The following RALYL variants were observed in gnomAD, a reference collection of about 807,000 sequenced individuals.
RALYL encodes the protein RALY RNA binding protein like, also known as RNA-binding Raly-like protein.
Under a neutral mutation model 35.1 loss-of-function variants are expected in RALYL, and 29 were observed. That is an observed-to-expected ratio of 0.83 (90% CI 0.61 to 1.13). RALYL has a LOEUF of 1.13. Among genes scored for constraint, RALYL ranks in the 50% most tolerant of loss-of-function variants. The pLI is 0.00. For synonymous variants in RALYL, 120 were observed against 127.6 expected, an observed-to-expected ratio of 0.94 and a Z score of 0.40; for missense variants, 359 against 360.4, an observed-to-expected ratio of 1.00 and a Z score of 0.03.
chr8:84,515,370 T>C (rs1169413404), intron 1 of RALYL, among the ~76,000 whole-genome samples: 1 of 152,196 alleles, frequency 6.6e-6, no homozygotes, highest in Non-Finnish European at 1.5e-5. Flanking sequence ...CGTGGAGGAA[T>C]GTTATATATA....
chr8:84,663,693 G>C (rs1471985337), intron 2 of RALYL, among the ~76,000 whole-genome samples: 3 of 151,954 alleles, frequency 2.0e-5, no homozygotes, highest in African/African-American at 7.3e-5. Context: ...AATTGTTTAT[G>C]TTCCTTGTAG....
chr8:84,513,930 T>A (rs2057831369), intron 1 of RALYL, among the ~76,000 whole-genome samples: 1 of 151,546 alleles, frequency 6.6e-6, no homozygotes. Context: ...ACCTTGTCTC[T>A]AATAAAAATT....
chr8:84,284,241 A>ATATCT (rs111511463), intron 1 of RALYL, among the ~76,000 whole-genome samples: 11,951 of 152,100 alleles, frequency 0.079, 515 homozygotes, highest in East Asian at 0.12. Context: ...AGGTGTGAAA[A>ATATCT]TATTTAGTAA....
rs76749726 is a variant in RALYL at position 84,834,785 on chromosome 8, T to C, written c.366-15195T>C. 3.5e-4 allele frequency among the ~76,000 whole-genome samples: 54 copies of C among 152,304 alleles called. 1 individual carries two copies. The East Asian group carries it at 0.01, about 29-fold the overall frequency. On this transcript the variant is annotated intron_variant, in intron 4 of 8. Coordinates refer to ENST00000521268, the MANE Select transcript of RALYL (RefSeq NM_173848.7). ...TATCAATATACAGGTGTTTGAAAAT[T>C]TGAATGAAAACACTTTACTTTTCTA... is the stretch of plus-strand genomic sequence containing the variant.
At chr8:84,451,653 T>C (rs2049488809) in intron 1 of RALYL, among the ~76,000 whole-genome samples, 1 of 151,974 alleles carries the variant, frequency 6.6e-6, no homozygotes, top group East Asian at 1.9e-4. Context: ...ATTTTCACAA[T>C]GAAAGAGAGC....
intron 2 of RALYL, among the ~76,000 whole-genome samples, chr8:84,607,922 T>G (rs1817509665): frequency 6.8e-6 from 1 of 147,190 alleles, no homozygotes; most frequent in South Asian, 2.2e-4. Flanking sequence ...GCATCTAGGT[T>G]TTTTTTTTTT....
intron 1 of RALYL, among the ~76,000 whole-genome samples, chr8:84,252,261 C>T (rs1386266888): frequency 6.6e-6 from 1 of 152,084 alleles, no homozygotes; most frequent in East Asian, 1.9e-4. Context: ...CTATTACTAT[C>T]ATTTATTTTA....
chr8:84,676,965 C>G (rs1342685167), intron 2 of RALYL, among the ~76,000 whole-genome samples: 2 of 152,188 alleles, frequency 1.3e-5, no homozygotes, highest in East Asian at 3.9e-4. Context: ...CCACACCTGG[C>G]TAATTTTTGT....
At chr8:84,349,896 T>C (rs576653247) in intron 1 of RALYL, among the ~76,000 whole-genome samples, 1 of 150,434 alleles carries the variant, frequency 6.6e-6, no homozygotes, top group African/African-American at 2.5e-5. Flanking sequence ...ATTTTGGTCA[T>C]CATTGTCTCT....
In RALYL at chr8:84,303,723, T is replaced by A. The variant is rs578114302; in HGVS notation, c.-24+119299T>A. 1.7e-3 allele frequency among the ~76,000 whole-genome samples: 265 copies of A among 152,348 alleles called. 1 individual carries two copies. The highest frequency in any genetic ancestry group is 3.0e-3 in the Non-Finnish European group (203 of 68,024). On this transcript the variant is annotated intron_variant, in intron 1 of 8. Transcript: ENST00000521268. ...TAAAACTGGTATAATTTAATTTCTA[T>A]TTTCTTCTTCAGAATAATGATATAT...
chr8:84,406,611 C>A (rs1253907511), intron 1 of RALYL, among the ~76,000 whole-genome samples: 2 of 151,922 alleles, frequency 1.3e-5, no homozygotes, highest in East Asian at 3.9e-4. Context: ...TTGAATAAAC[C>A]ATTTACACAA....
At chr8:84,205,079 T>G (rs1817751190) in intron 1 of RALYL, among the ~76,000 whole-genome samples, 1 of 152,214 alleles carries the variant, frequency 6.6e-6, no homozygotes, top group Admixed American at 6.5e-5. Context: ...TCATCTCATT[T>G]TATATGCTAG....
chr8:84,784,211 T>C (rs1563596640), intron 3 of RALYL, among the ~76,000 whole-genome samples: 1 of 152,184 alleles, frequency 6.6e-6, no homozygotes. Flanking sequence ...CATGCAGAGA[T>C]GCTTTAGCAG....
At chr8:84,778,373 G>A (rs1290249088) in intron 3 of RALYL, among the ~76,000 whole-genome samples, 1 of 152,006 alleles carries the variant, frequency 6.6e-6, no homozygotes, top group East Asian at 1.9e-4. Context: ...CCTTCAATAA[G>A]GCCTTATTAT....
At chr8:84,598,058 A>G (rs528648431) in intron 2 of RALYL, among the ~76,000 whole-genome samples, 45 of 151,930 alleles carry the variant, frequency 3.0e-4, no homozygotes, top group African/African-American at 1.0e-3. Context: ...CTCCAGCCTC[A>G]CCCTTGTTTA....
chr8:84,411,955 A>G lies in RALYL; in HGVS notation c.-23-117344A>G, dbSNP rs531686884. On this transcript the variant is annotated intron_variant, in intron 1 of 8. Transcript: ENST00000521268. The stretch of plus-strand genomic sequence containing the variant: ...TATCCTCATTTGGTAAGTTATTTAA[A>G]AAAATTATCTCTAGTACAGTAAAGA... Among the ~76,000 whole-genome samples, 11 of 152,062 alleles carry G rather than the reference A, an allele frequency of 7.2e-5. No homozygotes were observed. In the South Asian group the frequency reaches 1.9e-3, roughly 26 times the overall value.
intron 2 of RALYL, among the ~76,000 whole-genome samples, chr8:84,717,195 A>C (rs1843083627): frequency 6.6e-6 from 1 of 152,172 alleles, no homozygotes; most frequent in African/African-American, 2.4e-5. Context: ...TCAAAAAAAG[A>C]TCATAGATGT....
chr8:84,437,856 T>C (rs182977954), intron 1 of RALYL, among the ~76,000 whole-genome samples: 1 of 152,234 alleles, frequency 6.6e-6, no homozygotes, highest in Non-Finnish European at 1.5e-5. Context: ...CCTTTCACCA[T>C]GATTGTAAGT....
intron 1 of RALYL, among the ~76,000 whole-genome samples, chr8:84,452,533 G>T (rs2049613921): frequency 6.6e-6 from 1 of 151,756 alleles, no homozygotes; most frequent in Admixed American, 6.6e-5. Context: ...AATAAAGTAA[G>T]CACTGGTTAT....
Sources: gnomAD v4.1 joint callset for allele counts (sites outside exome capture counted in the v4.1 genomes callset) on GRCh38, gnomAD v4.1.1 for gene constraint, MANE v1.5 for transcripts, NCBI Gene and HGNC (gene_info 2026-07-23, HGNC 2026-07-21) for gene names.